The following MEGF9 variants were observed in gnomAD, a reference collection of about 807,000 sequenced individuals.
MEGF9 encodes the protein multiple EGF like domains 9, also known as multiple epidermal growth factor-like domains protein 9.
A neutral mutation model predicts 46.8 loss-of-function variants in MEGF9; 6 were observed. The ratio of observed to expected loss-of-function variants is 0.13; its 90% CI spans 0.07 to 0.25. The LOEUF is 0.25. Ranked by LOEUF, MEGF9 falls within the 10% of genes least tolerant of loss-of-function variation. The pLI, the probability that MEGF9 is intolerant of heterozygous loss-of-function variation, is 1.00. For synonymous variants in MEGF9, 302 were observed against 330.7 expected, an observed-to-expected ratio of 0.91 and a Z score of 0.94; for missense variants, 683 against 792.4, an observed-to-expected ratio of 0.86 and a Z score of 1.66.
intron 1 of MEGF9, among the ~76,000 whole-genome samples, chr9:120,663,203 C>G (rs1564423222): frequency 6.6e-6 from 1 of 152,166 alleles, no homozygotes; most frequent in East Asian, 1.9e-4. Context: ...ACAAAGTAAA[C>G]CAAGTGCCAG....
At chr9:120,611,410 A>C (rs892181820) in intron 4 of MEGF9, among the ~76,000 whole-genome samples, 1 of 152,202 alleles carries the variant, frequency 6.6e-6, no homozygotes, top group South Asian at 2.1e-4. Flanking sequence ...ATTATTTAGT[A>C]ACAAAAAGGA....
At chr9:120,699,912 G>A (rs2043895934) in intron 1 of MEGF9, among the ~76,000 whole-genome samples, 1 of 151,954 alleles carries the variant, frequency 6.6e-6, no homozygotes, top group Non-Finnish European at 1.5e-5. Context: ...CACCATAATT[G>A]TTAAATTATA....
intron 1 of MEGF9, among the ~76,000 whole-genome samples, chr9:120,705,484 G>T (rs1249018966): frequency 6.7e-6 from 1 of 149,508 alleles, no homozygotes; most frequent in Non-Finnish European, 1.5e-5. Context: ...ATGAGTGAGA[G>T]GAACGCATAG....
intron 1 of MEGF9, among the ~76,000 whole-genome samples, chr9:120,676,416 TTAG>T (rs1346395285): frequency 1.3e-5 from 2 of 152,212 alleles, no homozygotes; most frequent in African/African-American, 4.8e-5. Context: ...CTTTTTATCA[TTAG>T]TAGTAGTGGT....
chr9:120,636,110 G>A (rs912784453), intron 2 of MEGF9, among the ~76,000 whole-genome samples: 1 of 151,974 alleles, frequency 6.6e-6, no homozygotes, highest in Admixed American at 6.6e-5. Flanking sequence ...TAATTTTTTT[G>A]GTATTTTTGT....
chr9:120,691,008 A>G (rs2043845663), intron 1 of MEGF9, among the ~76,000 whole-genome samples: 2 of 152,184 alleles, frequency 1.3e-5, no homozygotes, highest in African/African-American at 2.4e-5. Context: ...TGCAGTTAAT[A>G]TGACCATTGA....
At chr9:120,701,892 A>C (rs1320405019) in intron 1 of MEGF9, among the ~76,000 whole-genome samples, 4 of 151,974 alleles carry the variant, frequency 2.6e-5, no homozygotes, top group Non-Finnish European at 5.9e-5. Context: ...AAAATACAAA[A>C]ATTAGCCAGG....
At chr9:120,712,527 C>A (rs2043958643) in intron 1 of MEGF9, among the ~76,000 whole-genome samples, 1 of 152,192 alleles carries the variant, frequency 6.6e-6, no homozygotes, top group South Asian at 2.1e-4. Context: ...AGGTAAAACC[C>A]AGCTAGCTAA....
In MEGF9 at chr9:120,612,389, G is replaced by C. The variant is rs201609960; in HGVS notation, c.1087+7C>G. 1.1e-5 allele frequency: 18 copies of C among 1,600,424 alleles called. No individual in the cohort carries two copies. Among genetic ancestry groups the C allele is most frequent in the African/African-American group, 1.4e-5 (1 of 73,878 alleles). ...CTCTAAAATGAAAAGTTAGAGAAAG[G>C]CCTTACTTATAGAGCAGCTGCCTGT... On this transcript the variant is annotated splice_region_variant and intron_variant, in intron 4 of 5. Transcript: ENST00000373930.
At chr9:120,618,108 T>C (rs566239547) in intron 3 of MEGF9, among the ~76,000 whole-genome samples, 1 of 152,308 alleles carries the variant, frequency 6.6e-6, no homozygotes, top group Non-Finnish European at 1.5e-5. Context: ...ATAGATGGCA[T>C]TTAAATTAAA....
intron 1 of MEGF9, among the ~76,000 whole-genome samples, chr9:120,674,964 C>T (rs575971431): frequency 6.6e-5 from 10 of 151,780 alleles, no homozygotes; most frequent in Admixed American, 3.9e-4. Flanking sequence ...CTGCAAGCTC[C>T]GCCTTCTGGA....
In MEGF9 at chr9:120,602,321, G is replaced by C. The variant is rs1437112392; in HGVS notation, c.*2869C>G. 2 of 152,654 alleles carry C rather than the reference G, an allele frequency of 1.3e-5. No individual in the cohort carries two copies. Among genetic ancestry groups the C allele is most frequent in the African/African-American group, 4.8e-5 (2 of 41,462 alleles). 9.5% of individuals were successfully genotyped at this position (152,654 alleles called of 1,614,324 possible). Reference sequence around the variant, plus strand: ...CCGGCCCAAAATTAGGCTTTCTAAAGGACTGATGGCATCCTGCTGCCAGAT... The same window carrying C: ...CCGGCCCAAAATTAGGCTTTCTAAACGACTGATGGCATCCTGCTGCCAGAT... On this transcript the variant is annotated 3_prime_UTR_variant, in exon 6 of 6. Transcript: ENST00000373930.
At position 120,622,804 on chromosome 9, in the gene MEGF9, T is replaced by C. The variant is rs759555224; in HGVS notation, c.804-49A>G. ...GAATAAAAGTAAATCAATTTAAAAG[T>C]TGTATTGAGTAACACCCCAGAAGGG... On this transcript the variant is annotated intron_variant, in intron 2 of 5. Coordinates refer to ENST00000373930, the MANE Select transcript of MEGF9 (RefSeq NM_001080497.3). 28 of 1,598,108 alleles carry C rather than the reference T, an allele frequency of 1.8e-5. No individual in the cohort carries two copies. The South Asian group carries it at 2.1e-4, about 12-fold the overall frequency.
intron 1 of MEGF9, among the ~76,000 whole-genome samples, chr9:120,697,615 T>G (rs764809028): frequency 1.3e-5 from 2 of 152,186 alleles, no homozygotes; most frequent in Non-Finnish European, 2.9e-5. Context: ...TTGTGCTGAA[T>G]AGACAATCAC....
At chr9:120,635,832 G>A (rs1005934857) in intron 2 of MEGF9, among the ~76,000 whole-genome samples, 1 of 151,980 alleles carries the variant, frequency 6.6e-6, no homozygotes, top group Non-Finnish European at 1.5e-5. Flanking sequence ...TTTCATGCAG[G>A]TCTGCCACTA....
chr9:120,685,633 T>C (rs1342343568), intron 1 of MEGF9, among the ~76,000 whole-genome samples: 1 of 152,242 alleles, frequency 6.6e-6, no homozygotes, highest in Non-Finnish European at 1.5e-5. Flanking sequence ...GGTGGAAGTG[T>C]AAAATGGTAC....
At position 120,604,799 on chromosome 9, in the gene MEGF9, G is replaced by A. The variant is rs2043412847; in HGVS notation, c.*391C>T. The A allele has an allele frequency of 3.6e-5, 7 of 195,382 alleles. No individual in the cohort carries two copies. The Admixed American group carries it at 3.6e-4, about 10-fold the overall frequency. The allele number at this position is 195,382 out of a possible 1,614,324, so 12.1% of individuals were successfully genotyped here. On this transcript the variant is annotated 3_prime_UTR_variant, in exon 6 of 6. Coordinates refer to ENST00000373930, the MANE Select transcript of MEGF9 (RefSeq NM_001080497.3). ...CACTGTTTTAAAAAAAATGTTTCAGGAATGGAGATGAAGTCTTCCAGCAGT... is the reference window on the plus strand; with the variant it reads ...CACTGTTTTAAAAAAAATGTTTCAGAAATGGAGATGAAGTCTTCCAGCAGT...
At position 120,605,314 on chromosome 9, in the gene MEGF9, A is replaced by C. The variant is rs1368963638; in HGVS notation, c.1685T>G (p.Phe562Cys). 3 of 1,614,056 alleles carry C rather than the reference A, an allele frequency of 1.9e-6. No homozygotes were observed. Among genetic ancestry groups the C allele is most frequent in the Non-Finnish European group, 2.5e-6 (3 of 1,179,900 alleles). Residue 562 changes from phenylalanine (F) to cysteine (C), a missense_variant, in exon 6 of 6, where the codon TTC becomes TGC. Phe to Cys is a radical substitution (Grantham distance 205). Around this residue, in one of 2 missense-constraint regions of MEGF9, gnomAD observed 313 missense variants for 421.1 expected, o/e 0.74. Coordinates refer to ENST00000373930, the MANE Select transcript of MEGF9 (RefSeq NM_001080497.3). This position sits in a 1 kb window ranked among gnomAD's most constrained non-coding sequence, Gnocchi z 4.0. ...GGGAATGCTGTCATGGTAGCTGCTG[A>C]AACTGATATTGTCTTCTTTCAGCTC... ...TIELKEDNISFSSYHDSIPNA... is the reference protein window; with the variant it reads ...TIELKEDNISCSSYHDSIPNA...
chr9:120,609,080 CT>C (rs2043433134), intron 4 of MEGF9, among the ~76,000 whole-genome samples: 1 of 152,178 alleles, frequency 6.6e-6, no homozygotes, highest in African/African-American at 2.4e-5. Flanking sequence ...TCCCTAACTC[CT>C]TCAGGATTAA....
Sources: gnomAD v4.1 joint callset for allele counts (sites outside exome capture counted in the v4.1 genomes callset) on GRCh38, gnomAD v4.1.1 for gene constraint, gnomAD v4.1.1 regional missense constraint, Gnocchi (gnomAD v3.1) non-coding constraint, MANE v1.5 for transcripts, NCBI Gene and HGNC (gene_info 2026-07-23, HGNC 2026-07-21) for gene names.